The following MAST4 variants were observed in gnomAD, a reference collection of about 807,000 sequenced individuals.
The protein encoded by MAST4 is microtubule-associated serine/threonine-protein kinase 4.
Under a neutral mutation model 162.7 loss-of-function variants are expected in MAST4, and 89 were observed. That is an observed-to-expected ratio of 0.55 (90% confidence interval 0.46 to 0.65). The LOEUF is 0.65. Ranked by LOEUF, MAST4 falls within the 30% of genes least tolerant of loss-of-function variation. MAST4 has a pLI of 0.00. For synonymous variants in MAST4, 1,479 were observed against 1,361.1 expected, an observed-to-expected ratio of 1.09 and a Z score of -1.91; for missense variants, 3,153 against 3,374.0, an observed-to-expected ratio of 0.93 and a Z score of 1.62.
At chr5:67,023,104 G>A (rs1754187036) in intron 4 of MAST4, among the ~76,000 whole-genome samples, 1 of 152,164 alleles carries the variant, frequency 6.6e-6, no homozygotes, top group Admixed American at 6.6e-5. Context: ...GGAGACTGAT[G>A]TAGAATCATC....
chr5:66,942,450 G>A (rs1378055408), intron 4 of MAST4, among the ~76,000 whole-genome samples: 2 of 152,096 alleles, frequency 1.3e-5, no homozygotes, highest in Non-Finnish European at 2.9e-5. Context: ...CTTGGTCTTG[G>A]ATTGATTATG....
At chr5:66,688,097 G>A (rs976560329) in intron 1 of MAST4, among the ~76,000 whole-genome samples, 3 of 152,152 alleles carry the variant, frequency 2.0e-5, no homozygotes, top group Non-Finnish European at 4.4e-5. Context: ...ATATGGAATA[G>A]CCCACTCTCC....
intron 1 of MAST4, among the ~76,000 whole-genome samples, chr5:66,724,234 G>T (rs960680486): frequency 1.3e-5 from 2 of 152,120 alleles, no homozygotes; most frequent in Non-Finnish European, 2.9e-5. Context: ...TTTGATTCGT[G>T]ATATTTTAGT....
chr5:67,069,337 G>T (rs1249526459), intron 5 of MAST4, among the ~76,000 whole-genome samples: 1 of 116,102 alleles, frequency 8.6e-6, no homozygotes. Context: ...TCCTTCTAAG[G>T]CTGTACCTTC....
intron 4 of MAST4, among the ~76,000 whole-genome samples, chr5:67,035,069 G>GT (rs1339549045): frequency 1.3e-5 from 2 of 152,134 alleles, no homozygotes; most frequent in African/African-American, 4.8e-5. Context: ...TTCTGTTTCT[G>GT]TTTTTTGCAT....
chr5:66,625,633 AAG>A (rs1362734637), intron 1 of MAST4, among the ~76,000 whole-genome samples: 1 of 152,192 alleles, frequency 6.6e-6, no homozygotes, highest in East Asian at 1.9e-4. Flanking sequence ...AAACCATAAA[AAG>A]AACAGATAAA....
intron 1 of MAST4, chr5:66,738,389 G>T (rs551084210): frequency 6.6e-6 from 1 of 152,436 alleles, no homozygotes; most frequent in African/African-American, 2.4e-5. Flanking sequence ...GAGCTAGAGA[G>T]CACAATATTA....
At chr5:67,047,198 A>C (rs1201924346) in intron 4 of MAST4, among the ~76,000 whole-genome samples, 1 of 152,236 alleles carries the variant, frequency 6.6e-6, no homozygotes, top group Non-Finnish European at 1.5e-5. Flanking sequence ...TAGCAGCCAG[A>C]ATGATTCTCT....
chr5:66,949,557 A>T (rs1429976305), intron 4 of MAST4, among the ~76,000 whole-genome samples: 2 of 152,164 alleles, frequency 1.3e-5, no homozygotes, highest in Non-Finnish European at 2.9e-5. Flanking sequence ...GAGTCACTTA[A>T]ACCTCTTGTC....
At chr5:66,831,683 T>C (rs548891035) in intron 3 of MAST4, among the ~76,000 whole-genome samples, 1 of 152,352 alleles carries the variant, frequency 6.6e-6, no homozygotes, top group South Asian at 2.1e-4. Context: ...CCATCTTTTC[T>C]ATGGACTGTA....
chr5:66,768,752 G>A (rs902561942), intron 2 of MAST4, among the ~76,000 whole-genome samples: 4 of 152,078 alleles, frequency 2.6e-5, no homozygotes, highest in Admixed American at 6.6e-5. Context: ...TTGTGATATT[G>A]TACTAAGGTT....
intron 3 of MAST4, among the ~76,000 whole-genome samples, chr5:66,815,639 G>A (rs76093410): frequency 6.6e-5 from 10 of 152,258 alleles, no homozygotes; most frequent in Admixed American, 5.2e-4. Flanking sequence ...TTCTGGTAAA[G>A]CATTCAGATT....
Position 66,759,834 on chromosome 5 carries a change from G to T in MAST4, c.489G>T (p.Arg163Ser). The T allele has an allele frequency of 6.2e-7, 1 of 1,613,916 alleles. No individual in the cohort carries two copies. The part of the protein sequence containing the change: ...RQLSEDGRQL[R>S]RGSLGGALTG... ...TGAGTGAGGATGGAAGACAGCTAAG[G>T]CGAGGGAGCCTGGGAGGAGCCCTGA... The change falls in exon 2 of 29, where the codon AGG (arginine) becomes AGT (serine). Residue 163 changes from arginine to serine, a missense_variant. Physicochemically the swap from Arg to Ser is moderately radical, Grantham distance 110 (BLOSUM62 -1). This residue lies in a region of MAST4 where 327 missense variants were observed against 336.5 expected (regional missense o/e 0.97). Transcript: ENST00000403625.
intron 3 of MAST4, among the ~76,000 whole-genome samples, chr5:66,838,264 G>A (rs917239399): frequency 1.3e-5 from 2 of 152,148 alleles, no homozygotes; most frequent in East Asian, 3.9e-4. Context: ...CTTTATCTTA[G>A]ATACTCTTCA....
At chr5:67,097,978 G>T (rs958353260) in intron 7 of MAST4, among the ~76,000 whole-genome samples, 5 of 151,982 alleles carry the variant, frequency 3.3e-5, no homozygotes, top group African/African-American at 1.2e-4. Flanking sequence ...CTTAGTAGTT[G>T]CAGGTTTTTC....
chr5:66,960,922 G>A (rs1333578926), intron 4 of MAST4, among the ~76,000 whole-genome samples: 1 of 152,130 alleles, frequency 6.6e-6, no homozygotes, highest in Non-Finnish European at 1.5e-5. Flanking sequence ...AAACACAGGG[G>A]ATCTTTGGAT....
At chr5:66,604,836 G>A (rs1742775454) in intron 1 of MAST4, among the ~76,000 whole-genome samples, 1 of 152,220 alleles carries the variant, frequency 6.6e-6, no homozygotes, top group South Asian at 2.1e-4. Flanking sequence ...AAGGGCCTCA[G>A]GGCCTCATCA....
intron 4 of MAST4, among the ~76,000 whole-genome samples, chr5:66,997,227 G>A (rs1411683504): frequency 6.6e-6 from 1 of 151,936 alleles, no homozygotes; most frequent in African/African-American, 2.4e-5. Context: ...GTACACATAT[G>A]TGCCTACTAC....
rs1056026978 is a variant in MAST4 at position 67,148,122 on chromosome 5, T to G, written c.3095-1267T>G. 3.3e-5 allele frequency among the ~76,000 whole-genome samples: 5 copies of G among 152,210 alleles called. No homozygotes were observed. The South Asian group carries it at 1.0e-3, about 32-fold the overall frequency. On this transcript the variant is annotated intron_variant, in intron 23 of 28. Coordinates refer to ENST00000403625, the MANE Select transcript of MAST4 (RefSeq NM_001164664.2). ...CTAACTCTTTCCCAGGCAAACAGTG[T>G]CATATGGTCAGCACTTCGAAATGTG... is the stretch of plus-strand genomic sequence containing the variant.
Sources: allele counts gnomAD v4.1 joint callset (sites outside exome capture counted in the v4.1 genomes callset), GRCh38; gene constraint gnomAD v4.1.1; regional missense constraint gnomAD v4.1.1; transcripts MANE v1.5; gene names NCBI Gene and HGNC (gene_info 2026-07-23, HGNC 2026-07-21).